The following DIS3L2 variants were observed in gnomAD, a reference collection of about 807,000 sequenced individuals.
DIS3L2 encodes DIS3 like 3'-5' exoribonuclease 2.
DIS3L2 carries 34 observed loss-of-function variants against 97.5 expected under a neutral mutation model. The ratio of observed to expected loss-of-function variants is 0.35; its 90% CI spans 0.27 to 0.46. The LOEUF (loss-of-function observed/expected upper bound fraction) is 0.46. DIS3L2 is among the 20% of genes least tolerant of loss of function. The pLI, the probability that DIS3L2 is intolerant of heterozygous loss-of-function variation, is 1.00. For missense variants in DIS3L2, 1,038 were observed against 1,146.0 expected (o/e 0.91, Z 1.36); for synonymous variants, 435 against 445.2 (o/e 0.98, Z 0.29).
intron 3 of DIS3L2, among the ~76,000 whole-genome samples, chr2:232,017,071 C>T (rs1694375268): frequency 6.6e-6 from 1 of 151,790 alleles, no homozygotes; most frequent in Non-Finnish European, 1.5e-5. Flanking sequence ...TTGGAGTACT[C>T]TTGGTGGTTT....
At chr2:232,107,498 A>G (rs1169499773) in intron 6 of DIS3L2, among the ~76,000 whole-genome samples, 2 of 152,166 alleles carry the variant, frequency 1.3e-5, no homozygotes, top group Non-Finnish European at 2.9e-5. Context: ...CAGGAGTTTG[A>G]GACCAGCCTG....
At chr2:232,282,255 A>G (rs1694312186) in intron 13 of DIS3L2, among the ~76,000 whole-genome samples, 1 of 151,730 alleles carries the variant, frequency 6.6e-6, no homozygotes, top group South Asian at 2.1e-4. Context: ...AAGTTGAGTG[A>G]GTGAATGTGG....
At chr2:232,111,960 C>T (rs940211103) in intron 6 of DIS3L2, among the ~76,000 whole-genome samples, 1 of 152,216 alleles carries the variant, frequency 6.6e-6, no homozygotes, top group East Asian at 1.9e-4. Context: ...ACTCTGAAGC[C>T]TTGCCTACCT....
At position 232,242,162 on chromosome 2, in the gene DIS3L2, T is replaced by C. The variant is rs572760112; in HGVS notation, c.1317+3517T>C. 4.6e-5 allele frequency among the ~76,000 whole-genome samples: 7 copies of C among 152,356 alleles called. No homozygotes were observed. The South Asian group carries it at 1.2e-3, about 27-fold the overall frequency. ...TGTTGATATGGAAAAGAAAACTCTT[T>C]AAACAGAGATGTTGGCTGGCAAGTG... is the stretch of plus-strand genomic sequence containing the variant. On this transcript the variant is annotated intron_variant, in intron 11 of 20. Transcript: ENST00000325385.
intron 1 of DIS3L2, among the ~76,000 whole-genome samples, chr2:231,981,598 T>TATA (rs1693257935): frequency 2.4e-5 from 2 of 84,070 alleles, no homozygotes; most frequent in Non-Finnish European, 4.6e-5. Context: ...GTTAAGTATT[T>TATA]TATATATATA....
chr2:232,162,202 G>A (rs1213161404), intron 8 of DIS3L2, among the ~76,000 whole-genome samples: 1 of 152,170 alleles, frequency 6.6e-6, no homozygotes, highest in African/African-American at 2.4e-5. Context: ...GCTTTTTGAT[G>A]TGTTTTATGG....
Position 232,332,990 on chromosome 2 carries a change from C to T in DIS3L2, c.2011-850C>T, listed in dbSNP as rs373814906. On this transcript the variant is annotated intron_variant, in intron 16 of 20. Coordinates refer to ENST00000325385, the MANE Select transcript of DIS3L2 (RefSeq NM_152383.5). Reference sequence around the variant, plus strand: ...CACTCTGGCCAGATGGGAGGATGGACGTTGCCTCCTTGAACAAAGACCCAC... The same window carrying T: ...CACTCTGGCCAGATGGGAGGATGGATGTTGCCTCCTTGAACAAAGACCCAC... Among the ~76,000 whole-genome samples the T allele has an allele frequency of 2.2e-4, 34 of 152,038 alleles. No homozygotes were observed. The East Asian group carries it at 6.1e-3, about 27-fold the overall frequency.
At chr2:232,026,346 A>G (rs2106235382) in intron 4 of DIS3L2, among the ~76,000 whole-genome samples, 1 of 152,216 alleles carries the variant, frequency 6.6e-6, no homozygotes, top group South Asian at 2.1e-4. Context: ...GATTTCTTGC[A>G]GCTCCATGCT....
chr2:232,238,038 A>G (rs1692980689), intron 10 of DIS3L2, among the ~76,000 whole-genome samples: 1 of 152,118 alleles, frequency 6.6e-6, no homozygotes, highest in South Asian at 2.1e-4. Context: ...TAGAAAGATC[A>G]CAGCAAAGTG....
At chr2:232,280,237 A>G (rs73102583) in intron 13 of DIS3L2, among the ~76,000 whole-genome samples, 6,769 of 152,330 alleles carry the variant, frequency 0.044, 202 homozygotes, top group African/African-American at 0.079. Context: ...CTTGCCAGGC[A>G]TGATGCTCTC....
chr2:232,225,110 G>A (rs897952992), intron 10 of DIS3L2, among the ~76,000 whole-genome samples: 2 of 152,192 alleles, frequency 1.3e-5, no homozygotes, highest in African/African-American at 4.8e-5. Context: ...TAGGGAGGGT[G>A]TGGAGCAATT....
At chr2:232,199,620 G>T (rs1691840190) in intron 9 of DIS3L2, among the ~76,000 whole-genome samples, 1 of 152,004 alleles carries the variant, frequency 6.6e-6, no homozygotes. Context: ...AGTGCAAAAA[G>T]CAAAATGAAA....
chr2:231,969,363 T>C (rs1692826244), intron 1 of DIS3L2, among the ~76,000 whole-genome samples: 1 of 146,284 alleles, frequency 6.8e-6, no homozygotes, highest in African/African-American at 2.6e-5. Context: ...CAGGTAGGAG[T>C]GCAGTGGCGC....
At chr2:232,173,597 A>G (rs761628281) in intron 9 of DIS3L2, among the ~76,000 whole-genome samples, 1 of 152,086 alleles carries the variant, frequency 6.6e-6, no homozygotes, top group African/African-American at 2.4e-5. Context: ...TTTTTAGTTA[A>G]TCTTTGTAAA....
intron 9 of DIS3L2, among the ~76,000 whole-genome samples, chr2:232,186,720 A>G (rs1057271868): frequency 1.3e-5 from 2 of 152,246 alleles, no homozygotes; most frequent in Non-Finnish European, 2.9e-5. Flanking sequence ...TCTAAAAAAA[A>G]GTGTTCTAAA....
intron 4 of DIS3L2, among the ~76,000 whole-genome samples, chr2:232,026,828 C>G (rs563241824): frequency 6.7e-4 from 102 of 152,290 alleles, no homozygotes; most frequent in African/African-American, 2.2e-3. Context: ...TAGTTGTTCT[C>G]TTACTTAAAA....
intron 1 of DIS3L2, among the ~76,000 whole-genome samples, chr2:231,966,729 A>G (rs1227103894): frequency 7.9e-6 from 1 of 126,184 alleles, no homozygotes; most frequent in African/African-American, 3.2e-5. Flanking sequence ...TCTTGGCCTC[A>G]AGTGATCCTC....
intron 5 of DIS3L2, among the ~76,000 whole-genome samples, chr2:232,084,200 G>A (rs568962262): frequency 6.6e-6 from 1 of 152,258 alleles, no homozygotes; most frequent in Non-Finnish European, 1.5e-5. Flanking sequence ...ATGAAAACAA[G>A]GCTTATGTGG....
chr2:231,966,476 C>G (rs1395649175), intron 1 of DIS3L2, among the ~76,000 whole-genome samples: 1 of 144,028 alleles, frequency 6.9e-6, no homozygotes, highest in Non-Finnish European at 1.5e-5. Flanking sequence ...CTGTGCCTGG[C>G]CTTTTTGAGA....
Sources: gnomAD v4.1 joint callset for allele counts (sites outside exome capture counted in the v4.1 genomes callset) on GRCh38, gnomAD v4.1.1 for gene constraint, MANE v1.5 for transcripts, NCBI Gene and HGNC (gene_info 2026-07-23, HGNC 2026-07-21) for gene names.